The following PABPC4L variants were observed in gnomAD, a reference collection of about 807,000 sequenced individuals.
The protein encoded by PABPC4L is polyadenylate-binding protein 4-like.
For synonymous variants in PABPC4L, 169 were observed against 164.1 expected (o/e 1.03, Z -0.23); for missense variants, 452 against 451.4 (o/e 1.00, Z -0.01).
the PABPC4L span, among the ~76,000 whole-genome samples, chr4:134,027,292 A>C: frequency 6.6e-6 from 1 of 152,154 alleles, no homozygotes; most frequent in African/African-American, 2.4e-5. Flanking sequence ...GCAGGATGGC[A>C]GGATGGGCCA....
At chr4:134,158,434 C>T in the PABPC4L span, among the ~76,000 whole-genome samples, 1 of 151,910 alleles carries the variant, frequency 6.6e-6, no homozygotes, top group Non-Finnish European at 1.5e-5. Flanking sequence ...AACAGTATTC[C>T]TTCCATTCTG....
At chr4:134,095,462 C>G in the PABPC4L span, among the ~76,000 whole-genome samples, 1 of 151,884 alleles carries the variant, frequency 6.6e-6, no homozygotes, top group Non-Finnish European at 1.5e-5. Flanking sequence ...GCACAAATAA[C>G]ATGAAAATAA....
the PABPC4L span, among the ~76,000 whole-genome samples, chr4:133,993,806 G>A: frequency 6.6e-6 from 1 of 152,168 alleles, no homozygotes; most frequent in African/African-American, 2.4e-5. Flanking sequence ...CAGTGGACCA[G>A]GCAGTGAGCT....
the PABPC4L span, among the ~76,000 whole-genome samples, chr4:133,999,268 C>T: frequency 6.6e-6 from 1 of 151,946 alleles, no homozygotes; most frequent in Non-Finnish European, 1.5e-5. Flanking sequence ...TTTTAGGGAA[C>T]TCAGCCATGA....
chr4:134,176,084 G>A, the PABPC4L span, among the ~76,000 whole-genome samples: 4 of 152,238 alleles, frequency 2.6e-5, no homozygotes, highest in East Asian at 5.8e-4. Flanking sequence ...CATGGTCACA[G>A]TTTGAAGAGG....
chr4:134,142,423 G>A, the PABPC4L span, among the ~76,000 whole-genome samples: 1 of 151,578 alleles, frequency 6.6e-6, no homozygotes, highest in Non-Finnish European at 1.5e-5. Context: ...TGAAGAATAT[G>A]CATAAAAATA....
At chr4:134,116,847 A>T in the PABPC4L span, among the ~76,000 whole-genome samples, 6 of 151,846 alleles carry the variant, frequency 4.0e-5, no homozygotes, top group African/African-American at 1.2e-4. Flanking sequence ...CCTTCATTTG[A>T]TATAAACTTA....
the PABPC4L span, among the ~76,000 whole-genome samples, chr4:134,096,260 G>A: frequency 3.3e-5 from 5 of 151,892 alleles, no homozygotes; most frequent in South Asian, 1.0e-3. Context: ...GGGACTGAAG[G>A]GTAAACACAC....
At chr4:134,054,550 G>A in the PABPC4L span, among the ~76,000 whole-genome samples, 2 of 151,494 alleles carry the variant, frequency 1.3e-5, no homozygotes, top group Non-Finnish European at 2.9e-5. Context: ...CACCTCATTA[G>A]TTCCTGACAA....
the PABPC4L span, among the ~76,000 whole-genome samples, chr4:134,049,478 T>C: frequency 2.0e-5 from 3 of 152,270 alleles, no homozygotes; most frequent in African/African-American, 7.2e-5. Flanking sequence ...GTATTATGTA[T>C]ATAAATTATC....
the PABPC4L span, among the ~76,000 whole-genome samples, chr4:133,964,555 T>A: frequency 1.3e-5 from 2 of 151,960 alleles, no homozygotes; most frequent in Non-Finnish European, 2.9e-5. Context: ...TAAACATCAA[T>A]GCTAAAATCC....
the PABPC4L span, among the ~76,000 whole-genome samples, chr4:133,951,503 G>T: frequency 6.6e-6 from 1 of 152,116 alleles, no homozygotes; most frequent in East Asian, 1.9e-4. Flanking sequence ...TCTACCAGCA[G>T]GGCCTTGGCA....
chr4:134,127,174 C>A, the PABPC4L span, among the ~76,000 whole-genome samples: 15 of 152,008 alleles, frequency 9.9e-5, no homozygotes, highest in Non-Finnish European at 1.6e-4. Context: ...ACCCTGCCCC[C>A]ACCTGAGGGT....
the PABPC4L span, among the ~76,000 whole-genome samples, chr4:134,116,975 G>C: frequency 1.3e-5 from 2 of 151,352 alleles, no homozygotes; most frequent in African/African-American, 2.4e-5. Context: ...ATGATATTTA[G>C]GTTATATTTC....
chr4:133,991,364 C>T, the PABPC4L span, among the ~76,000 whole-genome samples: 17 of 152,114 alleles, frequency 1.1e-4, no homozygotes, highest in African/African-American at 2.7e-4. Context: ...ATCCCAACTA[C>T]GTATTGATTG....
chr4:133,968,852 A>G, the PABPC4L span, among the ~76,000 whole-genome samples: 2 of 152,224 alleles, frequency 1.3e-5, no homozygotes, highest in Non-Finnish European at 2.9e-5. Flanking sequence ...AGTGATTTTC[A>G]TACACAGGTC....
the PABPC4L span, among the ~76,000 whole-genome samples, chr4:133,987,683 C>A: frequency 4.6e-5 from 7 of 152,046 alleles, no homozygotes; most frequent in African/African-American, 1.7e-4. Context: ...AAATTAGGTG[C>A]AAAGTGAATA....
chr4:134,139,276 G>A, the PABPC4L span, among the ~76,000 whole-genome samples: 1 of 152,014 alleles, frequency 6.6e-6, no homozygotes, highest in East Asian at 1.9e-4. Flanking sequence ...CATGATAATA[G>A]AATTTCCAAG....
the PABPC4L span, among the ~76,000 whole-genome samples, chr4:134,181,813 G>A: frequency 1.7e-4 from 26 of 151,430 alleles, no homozygotes; most frequent in Middle Eastern, 3.4e-3. Flanking sequence ...ACAGCTAACC[G>A]GCAAGGTAAA....
Sources: gnomAD v4.1 joint callset for allele counts (sites outside exome capture counted in the v4.1 genomes callset) on GRCh38, gnomAD v4.1.1 for gene constraint, MANE v1.5 for transcripts, NCBI Gene and HGNC (gene_info 2026-07-23, HGNC 2026-07-21) for gene names.